Variants in FGF1 observed in about 807,000 individuals in gnomAD.
The protein encoded by FGF1 is beta-endothelial cell growth factor.
A neutral mutation model predicts 13.4 loss-of-function variants in FGF1; 9 were observed. The observed-to-expected ratio is 0.67, with a 90% CI of 0.40 to 1.17. The LOEUF is 1.17. Ranked by LOEUF, FGF1 falls within the 50% of genes most tolerant of loss-of-function variation. FGF1 has a pLI of 0.01. For missense variants in FGF1, 156 were observed against 192.7 expected (o/e 0.81, Z 1.13); for synonymous variants, 93 against 79.0 (o/e 1.18, Z -0.94).
intron 1 of FGF1, among the ~76,000 whole-genome samples, chr5:142,619,807 T>C (rs565798101): frequency 2.3e-4 from 34 of 149,792 alleles, no homozygotes; most frequent in African/African-American, 7.9e-4. Flanking sequence ...CACTCCAGCC[T>C]GAGCAACAAC....
At chr5:142,639,752 C>T (rs1597267752) in intron 1 of FGF1, among the ~76,000 whole-genome samples, 2 of 151,884 alleles carry the variant, frequency 1.3e-5, no homozygotes, top group African/African-American at 2.4e-5. Flanking sequence ...GATAATGTTG[C>T]GAGGTGATGG....
At chr5:142,621,554 G>C (rs1184817625) in intron 1 of FGF1, among the ~76,000 whole-genome samples, 1 of 151,944 alleles carries the variant, frequency 6.6e-6, no homozygotes, top group Admixed American at 6.6e-5. Flanking sequence ...ACATATACCA[G>C]TTTAGGTGGG....
chr5:142,638,005 G>A (rs1268975338), intron 1 of FGF1, among the ~76,000 whole-genome samples: 2 of 151,984 alleles, frequency 1.3e-5, no homozygotes, highest in Non-Finnish European at 2.9e-5. Flanking sequence ...CTCAGCAAAT[G>A]GTCATTAAGA....
chr5:142,612,400 C>T (rs766012556), intron 2 of FGF1, among the ~76,000 whole-genome samples: 1 of 152,142 alleles, frequency 6.6e-6, no homozygotes, highest in African/African-American at 2.4e-5. Flanking sequence ...TTTGTCTTTC[C>T]TCTTGGGTTC....
chr5:142,595,567 T>G, intron 3 of FGF1, 83 bp from the exon 4 acceptor site: 3 of 1,158,428 alleles, frequency 2.6e-6, no homozygotes, highest in Non-Finnish European at 3.7e-6. Context: ...TGTGTGACAT[T>G]GGGCAAAATA....
At chr5:142,629,638 TG>T (rs1246692238) in intron 1 of FGF1, among the ~76,000 whole-genome samples, 3 of 152,098 alleles carry the variant, frequency 2.0e-5, no homozygotes, top group African/African-American at 7.2e-5. Flanking sequence ...TTTACTTTTT[TG>T]TTTACTTGTT....
intron 1 of FGF1, among the ~76,000 whole-genome samples, chr5:142,620,717 T>C (rs564355200): frequency 4.9e-4 from 75 of 152,284 alleles, no homozygotes; most frequent in Middle Eastern, 3.4e-3. Flanking sequence ...ATGTAGAAGA[T>C]TGAAATACAC....
At chr5:142,681,104 G>A (rs182581929) in intron 1 of FGF1, among the ~76,000 whole-genome samples, 28 of 152,296 alleles carry the variant, frequency 1.8e-4, no homozygotes, top group African/African-American at 5.5e-4. Flanking sequence ...AGGTAGGCAC[G>A]CCCCTCACAC....
intron 1 of FGF1, among the ~76,000 whole-genome samples, chr5:142,656,461 G>A (rs1341505268): frequency 6.6e-6 from 1 of 152,142 alleles, no homozygotes; most frequent in African/African-American, 2.4e-5. Context: ...TAAGGGAAGA[G>A]CAGACCAATC....
At chr5:142,691,365 T>C (rs1431484804) in intron 2 of FGF1, among the ~76,000 whole-genome samples, 2 of 151,690 alleles carry the variant, frequency 1.3e-5, no homozygotes, top group Non-Finnish European at 2.9e-5. Flanking sequence ...GAGGTTGCAG[T>C]GAGCCGAGAT....
At chr5:142,646,819 A>G in intron 1 of FGF1, among the ~76,000 whole-genome samples, 1 of 152,154 alleles carries the variant, frequency 6.6e-6, no homozygotes, top group Non-Finnish European at 1.5e-5. Context: ...TGTGTCTGTG[A>G]ACCTGTGTGC....
At chr5:142,655,137 G>C (rs772575193) in intron 1 of FGF1, among the ~76,000 whole-genome samples, 1 of 152,250 alleles carries the variant, frequency 6.6e-6, no homozygotes, top group Non-Finnish European at 1.5e-5. Context: ...AGCCATTGCT[G>C]AGTTGAGAGG....
At chr5:142,646,208 CTTTTTTTTTTTTT>C (rs762008952) in intron 1 of FGF1, among the ~76,000 whole-genome samples, 1 of 54,942 alleles carries the variant, frequency 1.8e-5, no homozygotes, top group Non-Finnish European at 3.2e-5. Context: ...CGCACCTGGC[CTTTTTTTTTTTTT>C]TTTTTTTTTT....
intron 1 of FGF1, chr5:142,679,777 G>A (rs1418947287): frequency 6.6e-6 from 1 of 152,206 alleles, no homozygotes; most frequent in Non-Finnish European, 1.5e-5. Flanking sequence ...GCATGTGTAG[G>A]CCTTCAACCA....
At position 142,607,531 on chromosome 5, in the gene FGF1, T is replaced by C. The variant is rs77728860; in HGVS notation, c.169+6428A>G. On this transcript the variant is annotated intron_variant, in intron 2 of 3. Coordinates refer to ENST00000337706, the MANE Select transcript of FGF1 (RefSeq NM_000800.5). ...TTAGCTGAAGAAATGGAAAGCAACTTTTAAAAAGGTACTCTAACGATAGAA... is the reference window on the plus strand; with the variant it reads ...TTAGCTGAAGAAATGGAAAGCAACTCTTAAAAAGGTACTCTAACGATAGAA... Among the ~76,000 whole-genome samples, 354 of 152,292 alleles carry C rather than the reference T, an allele frequency of 2.3e-3. 2 individuals carry two copies. The highest frequency in any genetic ancestry group is 6.8e-3 in the Middle Eastern group (2 of 294).
chr5:142,618,147 C>T (rs1318784938), intron 1 of FGF1, among the ~76,000 whole-genome samples: 2 of 152,124 alleles, frequency 1.3e-5, no homozygotes, highest in Non-Finnish European at 2.9e-5. Flanking sequence ...CGAAGCCTAG[C>T]CCTTTGAGAT....
At chr5:142,648,533 G>A (rs978697976) in intron 1 of FGF1, among the ~76,000 whole-genome samples, 1 of 151,966 alleles carries the variant, frequency 6.6e-6, no homozygotes, top group Non-Finnish European at 1.5e-5. Flanking sequence ...GGGAGGGATA[G>A]CATTAGGAGA....
intron 1 of FGF1, among the ~76,000 whole-genome samples, chr5:142,627,351 CAAT>C (rs1298418095): frequency 6.6e-6 from 1 of 152,132 alleles, no homozygotes; most frequent in Non-Finnish European, 1.5e-5. Flanking sequence ...GTGGCTTAGT[CAAT>C]AATAAAACCC....
chr5:142,630,741 T>C (rs913616324), intron 1 of FGF1, among the ~76,000 whole-genome samples: 2 of 152,154 alleles, frequency 1.3e-5, no homozygotes, highest in Non-Finnish European at 2.9e-5. Context: ...CAGTTTCCCA[T>C]GGGCTGCCTC....
Sources: allele counts gnomAD v4.1 joint callset (sites outside exome capture counted in the v4.1 genomes callset), GRCh38; gene constraint gnomAD v4.1.1; transcripts MANE v1.5; gene names NCBI Gene and HGNC (gene_info 2026-07-23, HGNC 2026-07-21).